DNAH7: variants seen among roughly 807,000 people sequenced by gnomAD.
DNAH7 encodes axonemal beta dynein heavy chain 7.
DNAH7 carries 397 observed loss-of-function variants against 444.6 expected under a neutral mutation model. The ratio of observed to expected loss-of-function variants is 0.89; its 90% CI spans 0.82 to 0.97. The LOEUF (loss-of-function observed/expected upper bound fraction) is 0.97, where lower values mean the gene tolerates loss of function less well. DNAH7 is among the 50% of genes least tolerant of loss of function. The pLI, the probability that DNAH7 is intolerant of heterozygous loss-of-function variation, is 0.00. For synonymous variants in DNAH7, 1,636 were observed against 1,624.4 expected, an observed-to-expected ratio of 1.01 and a Z score of -0.17; for missense variants, 4,902 against 4,800.8, an observed-to-expected ratio of 1.02 and a Z score of -0.62.
At chr2:195,875,637 T>A (rs1701006404) in intron 38 of DNAH7, 38 bp downstream of exon 38, 1 of 1,522,434 alleles carries the variant, frequency 6.6e-7, no homozygotes. Context: ...GCTAGGGAGA[T>A]TTTTCCATCT....
intron 15 of DNAH7, among the ~76,000 whole-genome samples, chr2:195,979,448 CCAAAACCTATGGGACACAG>C (rs1692417467): frequency 6.6e-6 from 1 of 151,922 alleles, no homozygotes; most frequent in Admixed American, 6.6e-5. Context: ...ACATAACATA[CCAAAACCTATGGGACACAG>C]CAAAAGCAGC....
At chr2:195,926,740 A>T (rs1688360367) in intron 21 of DNAH7, among the ~76,000 whole-genome samples, 174 bp from the exon 22 acceptor site, 1 of 152,180 alleles carries the variant, frequency 6.6e-6, no homozygotes, top group African/African-American at 2.4e-5. Context: ...AAGTTTAATC[A>T]CATACCTATA....
chr2:195,743,351 C>G (rs533897443), intron 63 of DNAH7, among the ~76,000 whole-genome samples: 1 of 152,328 alleles, frequency 6.6e-6, no homozygotes, highest in Non-Finnish European at 1.5e-5. Context: ...AATAAACTCC[C>G]TCTCATATAT....
intron 1 of DNAH7, among the ~76,000 whole-genome samples, chr2:196,060,420 G>C (rs1186212213): frequency 6.6e-6 from 1 of 152,080 alleles, no homozygotes; most frequent in Non-Finnish European, 1.5e-5. Context: ...TCAGTCTAAA[G>C]ATTTTCTGCT....
chr2:195,901,685 T>C lies in DNAH7; in HGVS notation c.4336-1191A>G, dbSNP rs908776555. 2.0e-5 allele frequency: 3 copies of C among 152,274 alleles called. No homozygotes were observed. The South Asian group carries it at 6.2e-4, about 32-fold the overall frequency. The allele number at this position is 152,274 out of a possible 1,614,324, so 9.4% of individuals were successfully genotyped here. On this transcript the variant is annotated intron_variant, in intron 27 of 64. Transcript: ENST00000312428. ...ATAATCTAAGGTTTACCAGATTATGTTAGTGTTAGACAAATTATCCATTTT... is the reference window on the plus strand; with the variant it reads ...ATAATCTAAGGTTTACCAGATTATGCTAGTGTTAGACAAATTATCCATTTT...
intron 63 of DNAH7, among the ~76,000 whole-genome samples, chr2:195,741,472 T>C (rs1003348371): frequency 7.2e-5 from 11 of 152,228 alleles, no homozygotes; most frequent in African/African-American, 2.2e-4. Flanking sequence ...AAACATGAGT[T>C]ACTTTCTTTG....
intron 57 of DNAH7, among the ~76,000 whole-genome samples, chr2:195,793,028 C>T (rs552542585): frequency 3.1e-4 from 47 of 152,202 alleles, no homozygotes; most frequent in Middle Eastern, 3.4e-3. Context: ...CTCCTGGGCT[C>T]CAGCGATCCT....
chr2:196,016,252 C>T (rs990521457), intron 9 of DNAH7, among the ~76,000 whole-genome samples: 2 of 152,018 alleles, frequency 1.3e-5, no homozygotes, highest in African/African-American at 4.8e-5. Flanking sequence ...AAAACGATAA[C>T]TTGTGGTGTT....
chr2:196,044,031 C>A (rs546220192), intron 5 of DNAH7, among the ~76,000 whole-genome samples: 1 of 151,896 alleles, frequency 6.6e-6, no homozygotes, highest in Non-Finnish European at 1.5e-5. Context: ...AACTATCATT[C>A]GATGAAGCAA....
chr2:195,900,132 A>T, intron 28 of DNAH7, 150 bp downstream of exon 28: 1 of 764,962 alleles, frequency 1.3e-6, no homozygotes, highest in Admixed American at 2.8e-5. Context: ...AATTTTTTTC[A>T]TGTGTACAAG....
intron 12 of DNAH7, among the ~76,000 whole-genome samples, chr2:195,990,938 T>A (rs1276750991): frequency 1.4e-5 from 2 of 145,496 alleles, no homozygotes; most frequent in East Asian, 3.9e-4. Flanking sequence ...TATACTTAAA[T>A]ATATATACAT....
In DNAH7 at chr2:195,834,349, C is replaced by CTTCTTGCA; in HGVS notation, c.8949_8956dup (p.Arg2986MetfsTer7). ...TTGAGGATCTATCATCAGAGGCCAC[C>CTTCTTGCA]TTCTTGCATTCCTGAAAAGGAGGAG... On this transcript the variant is annotated frameshift_variant, in exon 48 of 65. Transcript: ENST00000312428. LOFTEE classifies it high-confidence loss of function. 2 of 1,591,762 alleles carry CTTCTTGCA rather than the reference C, an allele frequency of 1.3e-6. No homozygotes were observed. Among genetic ancestry groups the CTTCTTGCA allele is most frequent in the Non-Finnish European group, 1.7e-6 (2 of 1,163,304 alleles).
chr2:195,837,660 T>G (rs1698445352), intron 47 of DNAH7, among the ~76,000 whole-genome samples: 2 of 151,770 alleles, frequency 1.3e-5, no homozygotes, highest in Non-Finnish European at 2.9e-5. Flanking sequence ...ATGTTTTGCT[T>G]TTTTTTTACT....
At chr2:195,935,457 C>G (rs1688985876) in intron 20 of DNAH7, among the ~76,000 whole-genome samples, 1 of 152,108 alleles carries the variant, frequency 6.6e-6, no homozygotes, top group South Asian at 2.1e-4. Flanking sequence ...TTTGAAGGCA[C>G]AAGTTAACAA....
intron 42 of DNAH7, among the ~76,000 whole-genome samples, chr2:195,861,315 T>C (rs773587493): frequency 1.3e-5 from 2 of 152,220 alleles, no homozygotes; most frequent in Non-Finnish European, 2.9e-5. Context: ...CTCATGTTTA[T>C]ATTGATGTTT....
intron 53 of DNAH7, 89 bp downstream of exon 53, chr2:195,808,593 C>T: frequency 6.7e-7 from 1 of 1,487,064 alleles, no homozygotes; most frequent in Non-Finnish European, 9.1e-7. Context: ...TTGTTTAAAG[C>T]TTATTTAAAT....
intron 24 of DNAH7, among the ~76,000 whole-genome samples, chr2:195,917,842 A>G (rs1396629792): frequency 2.6e-5 from 4 of 152,012 alleles, no homozygotes; most frequent in African/African-American, 9.7e-5. Flanking sequence ...TTTGTTTTAC[A>G]TTTTTTGTAG....
chr2:195,906,608 A>G, intron 27 of DNAH7, 51 bp downstream of exon 27: 1 of 1,565,152 alleles, frequency 6.4e-7, no homozygotes, highest in Non-Finnish European at 8.7e-7. Flanking sequence ...TCATATATTA[A>G]CTTTGTAAAT....
intron 53 of DNAH7, among the ~76,000 whole-genome samples, chr2:195,807,304 G>A (rs1362178302): frequency 6.6e-6 from 1 of 151,906 alleles, no homozygotes; most frequent in Non-Finnish European, 1.5e-5. Context: ...TTACAGTGGT[G>A]CACCACCATA....
Sources: allele counts gnomAD v4.1 joint callset (sites outside exome capture counted in the v4.1 genomes callset), GRCh38; gene constraint gnomAD v4.1.1; transcripts MANE v1.5; gene names NCBI Gene and HGNC (gene_info 2026-07-23, HGNC 2026-07-21).